Variants in STARD9 observed in about 807,000 individuals in gnomAD.
The protein encoded by STARD9 is StAR related lipid transfer domain containing 9, also known as stAR-related lipid transfer protein 9.
In STARD9, 346 loss-of-function variants were observed where a neutral mutation model predicts 399.8. That is an observed-to-expected ratio of 0.87 (90% CI 0.79 to 0.95). The LOEUF is 0.95. Ranked by LOEUF, STARD9 falls within the 40% of genes least tolerant of loss-of-function variation. The pLI is 0.00. For synonymous variants in STARD9, 2,203 were observed against 2,143.5 expected, an observed-to-expected ratio of 1.03 and a Z score of -0.77; for missense variants, 5,832 against 5,667.5, an observed-to-expected ratio of 1.03 and a Z score of -0.93.
In STARD9 at chr15:42,687,756, G is replaced by T; in HGVS notation, c.6178G>T (p.Gly2060Cys). The change falls in exon 23 of 33, where the codon GGC (glycine) becomes TGC (cysteine). Residue 2060 changes from glycine to cysteine, a missense_variant. By Grantham distance (159) the Gly-to-Cys change is radical. Transcript: ENST00000290607. Reference sequence around the variant, plus strand: ...TAGGAGTGTAATGCAGCTGGAAAATGGCATCTTAGAAATTGAATCTAAGCA... The same window carrying T: ...TAGGAGTGTAATGCAGCTGGAAAATTGCATCTTAGAAATTGAATCTAAGCA... ...LIRSVMQLEN[G>C]ILEIESKQNK... is the part of the protein sequence containing the mutation. The T allele has an allele frequency of 6.5e-7, 1 of 1,537,522 alleles. No homozygotes were observed. The highest frequency in any genetic ancestry group is 8.7e-7 in the Non-Finnish European group (1 of 1,146,978).
rs565525729 is a variant in STARD9 at position 42,690,945 on chromosome 15, C to A, written c.9367C>A (p.Gln3123Lys). ...RQFRDSSVGD[Q>K]NAQVCQTNPE... ...GTTTAGGGACAGCTCTGTAGGTGAC[C>A]AGAATGCACAGGTGTGTCAAACCAA... Residue 3123 changes from glutamine (Q) to lysine (K), a missense_variant, in exon 23 of 33, where the codon CAG becomes AAG. By Grantham distance (53) the Gln-to-Lys change is moderately conservative. Coordinates refer to ENST00000290607, the MANE Select transcript of STARD9 (RefSeq NM_020759.3). 15 of 1,537,180 alleles carry A rather than the reference C, an allele frequency of 9.8e-6. No individual in the cohort carries two copies. The Admixed American group carries it at 2.4e-4, about 24-fold the overall frequency.
chr15:42,595,536 GC>G (rs2058485262), intron 3 of STARD9, among the ~76,000 whole-genome samples: 2 of 152,172 alleles, frequency 1.3e-5, no homozygotes, highest in Non-Finnish European at 2.9e-5. Context: ...GAATTTTGCT[GC>G]CTGTTTTGGG....
chr15:42,582,497 C>A (rs934252103), intron 1 of STARD9, among the ~76,000 whole-genome samples: 2 of 152,120 alleles, frequency 1.3e-5, no homozygotes, highest in African/African-American at 4.8e-5. Flanking sequence ...CACATAACTG[C>A]AACATAGGAA....
At chr15:42,624,575 G>A (rs1310198033) in intron 3 of STARD9, among the ~76,000 whole-genome samples, 1 of 150,322 alleles carries the variant, frequency 6.7e-6, no homozygotes, top group Non-Finnish European at 1.5e-5. Context: ...TTGAGACAGA[G>A]TCTCCCTCTG....
intron 26 of STARD9, among the ~76,000 whole-genome samples, chr15:42,713,630 T>G (rs770679768): frequency 5.3e-5 from 8 of 152,220 alleles, no homozygotes; most frequent in Non-Finnish European, 1.2e-4. Context: ...CAAATACTTT[T>G]TTCTGGTGTC....
chr15:42,693,558 A>T lies in STARD9; in HGVS notation c.11980A>T (p.Ser3994Cys). ...ACAGCAGAGTCCAAAACTCCAATTT[A>T]GTTTCTTAGGGCAGCACCCTCAGCA... ...SPQQSPKLQFSFLGQHPQQLQ... is the reference protein window; with the variant it reads ...SPQQSPKLQFCFLGQHPQQLQ... Residue 3994 changes from serine (S) to cysteine (C), a missense_variant, in exon 23 of 33, where the codon AGT (serine) becomes TGT (cysteine). Ser to Cys is a moderately radical substitution (Grantham distance 112). Coordinates refer to ENST00000290607, the MANE Select transcript of STARD9 (RefSeq NM_020759.3). 1 of 1,537,274 alleles carries T rather than the reference A, an allele frequency of 6.5e-7. No homozygotes were observed. Among genetic ancestry groups the T allele is most frequent in the East Asian group, 2.4e-5 (1 of 40,928 alleles).
chr15:42,707,075 T>G (rs1455591022), intron 26 of STARD9, among the ~76,000 whole-genome samples: 1 of 152,242 alleles, frequency 6.6e-6, no homozygotes, highest in African/African-American at 2.4e-5. Flanking sequence ...TTAGGTTTTG[T>G]TATTACTTTA....
At chr15:42,642,915 C>T (rs889969716) in intron 7 of STARD9, among the ~76,000 whole-genome samples, 3 of 152,118 alleles carry the variant, frequency 2.0e-5, no homozygotes, top group African/African-American at 7.2e-5. Context: ...CCTCCTACCT[C>T]AGCCTCCCAA....
intron 9 of STARD9, among the ~76,000 whole-genome samples, chr15:42,657,185 C>T (rs1595717707): frequency 2.0e-5 from 3 of 151,740 alleles, no homozygotes; most frequent in Admixed American, 6.6e-5. Flanking sequence ...GGTGAAACCC[C>T]GTCTCTACTA....
chr15:42,641,568 C>T (rs556659632), intron 7 of STARD9, among the ~76,000 whole-genome samples: 1 of 144,580 alleles, frequency 6.9e-6, no homozygotes, highest in Non-Finnish European at 1.5e-5. Context: ...TCCAAGTGTT[C>T]TCATTGTTCA....
At chr15:42,626,319 TCTTC>T (rs1398098158) in intron 3 of STARD9, among the ~76,000 whole-genome samples, 1 of 150,502 alleles carries the variant, frequency 6.6e-6, no homozygotes, top group East Asian at 2.0e-4. Context: ...CTCTTCCTCT[TCTTC>T]CTCCTCTTCC....
intron 3 of STARD9, among the ~76,000 whole-genome samples, chr15:42,625,886 T>G (rs1409263599): frequency 2.6e-5 from 4 of 152,022 alleles, no homozygotes; most frequent in Admixed American, 6.6e-5. Context: ...AACAAAACCT[T>G]CAAGACATGA....
At chr15:42,619,964 T>C (rs1384738431) in intron 3 of STARD9, among the ~76,000 whole-genome samples, 1 of 152,258 alleles carries the variant, frequency 6.6e-6, no homozygotes, top group African/African-American at 2.4e-5. Flanking sequence ...AGGAGGGGTT[T>C]CCTCCAGTAG....
In STARD9 at chr15:42,689,005, T is replaced by A. The variant is rs1392448168; in HGVS notation, c.7427T>A (p.Val2476Asp). The change falls in exon 23 of 33, where the codon GTC (valine) becomes GAC (aspartate). Residue 2476 changes from valine to aspartate, a missense_variant. By Grantham distance (152) the Val-to-Asp change is radical. Around this residue, in one of 2 missense-constraint regions of STARD9, gnomAD observed 5,828 missense variants for 5,651.1 expected, o/e 1.03. Coordinates refer to ENST00000290607, the MANE Select transcript of STARD9 (RefSeq NM_020759.3). ...AEVAVQKEIR[V>D]SSLNKVSSQP... ...GTGGCTGTACAAAAAGAAATAAGAG[T>A]CAGTTCACTGAACAAGGTCTCTAGC... is the stretch of plus-strand genomic sequence containing the variant. 14 of 1,536,912 alleles carry A rather than the reference T, an allele frequency of 9.1e-6. No individual in the cohort carries two copies. Among genetic ancestry groups the A allele is most frequent in the Non-Finnish European group, 1.2e-5 (14 of 1,146,880 alleles).
At chr15:42,595,229 G>T (rs548810106) in intron 3 of STARD9, among the ~76,000 whole-genome samples, 1 of 152,076 alleles carries the variant, frequency 6.6e-6, no homozygotes, top group Non-Finnish European at 1.5e-5. Context: ...GCTCACAGAG[G>T]GGTGGGCACT....
intron 7 of STARD9, 94 bp downstream of exon 7, chr15:42,638,906 C>A: frequency 1.5e-6 from 1 of 660,692 alleles, no homozygotes. Context: ...GTGTAATGAA[C>A]ACTTATCGTG....
At chr15:42,672,553 T>C (rs2060223046) in intron 16 of STARD9, 1 of 152,290 alleles carries the variant, frequency 6.6e-6, no homozygotes, top group South Asian at 2.1e-4. Context: ...CCTCTGATTC[T>C]GTTTGACAGT....
At chr15:42,639,341 G>A (rs909408259) in intron 7 of STARD9, among the ~76,000 whole-genome samples, 6 of 152,198 alleles carry the variant, frequency 3.9e-5, no homozygotes, top group African/African-American at 1.4e-4. Context: ...GCCCAATATG[G>A]CATGGCCTCT....
chr15:42,719,378 A>G (rs1595840371), intron 32 of STARD9, 95 bp from the exon 33 acceptor site: 3 of 774,114 alleles, frequency 3.9e-6, no homozygotes, highest in Non-Finnish European at 6.3e-6. Context: ...TGCTTCTCCC[A>G]TCACCACAGG....
Sources: gnomAD v4.1 joint callset for allele counts (sites outside exome capture counted in the v4.1 genomes callset) on GRCh38, gnomAD v4.1.1 for gene constraint, gnomAD v4.1.1 regional missense constraint, MANE v1.5 for transcripts, NCBI Gene and HGNC (gene_info 2026-07-23, HGNC 2026-07-21) for gene names.